Variants in ASIC2 observed in about 807,000 individuals in gnomAD.
ASIC2 encodes the protein acid sensing ion channel subunit 2, also known as acid-sensing ion channel 2.
In ASIC2, 25 loss-of-function variants were observed where a neutral mutation model predicts 57.3. The ratio of observed to expected loss-of-function variants is 0.44; its 90% CI spans 0.32 to 0.61. The LOEUF is 0.61. Ranked by LOEUF, ASIC2 falls within the 20% of genes least tolerant of loss-of-function variation. The pLI is 0.06. For missense variants in ASIC2, 641 were observed against 738.1 expected, an observed-to-expected ratio of 0.87 and a Z score of 1.52; for synonymous variants, 319 against 307.5, an observed-to-expected ratio of 1.04 and a Z score of -0.39.
intron 1 of ASIC2, among the ~76,000 whole-genome samples, chr17:33,234,386 G>T (rs1284186689): frequency 1.3e-5 from 2 of 152,164 alleles, no homozygotes; most frequent in Non-Finnish European, 2.9e-5. Flanking sequence ...CCGGCTTGGT[G>T]GTAGGCTGGC....
intron 1 of ASIC2, among the ~76,000 whole-genome samples, chr17:33,686,674 G>C (rs555060704): frequency 1.3e-5 from 2 of 152,326 alleles, no homozygotes; most frequent in East Asian, 3.9e-4. Flanking sequence ...TGACTGGCCT[G>C]ATGCTGGGAT....
In ASIC2 at chr17:33,322,770, G is replaced by A. The variant is rs201263485; in HGVS notation, c.556-210703C>T. The stretch of plus-strand genomic sequence containing the variant: ...AGAGCAGAGGGAGCAAAGAGAAGGA[G>A]CATCTCACCCAGGCTGGGCACGAGT... On this transcript the variant is annotated intron_variant, in intron 1 of 9. Transcript: ENST00000359872. Among the ~76,000 whole-genome samples the A allele has an allele frequency of 4.6e-5, 7 of 152,180 alleles. 1 individual carries two copies. The highest frequency in any genetic ancestry group is 6.8e-3 in the Middle Eastern group (2 of 294).
intron 1 of ASIC2, among the ~76,000 whole-genome samples, chr17:33,679,445 A>G (rs1409324864): frequency 1.3e-5 from 2 of 152,172 alleles, no homozygotes; most frequent in Non-Finnish European, 2.9e-5. Flanking sequence ...ATTAATCCAA[A>G]CACTCATTCA....
chr17:33,063,447 A>C (rs1046391729), intron 3 of ASIC2, among the ~76,000 whole-genome samples: 12 of 152,138 alleles, frequency 7.9e-5, no homozygotes, highest in East Asian at 1.9e-4. Flanking sequence ...ATATGAAATT[A>C]TGGGTTGAAA....
intron 1 of ASIC2, among the ~76,000 whole-genome samples, chr17:33,235,581 T>C (rs2142113138): frequency 6.6e-6 from 1 of 152,332 alleles, no homozygotes; most frequent in South Asian, 2.1e-4. Context: ...CTCAGCTCCC[T>C]CAGGTAACAG....
chr17:33,818,201 A>T (rs1237442309), intron 1 of ASIC2, among the ~76,000 whole-genome samples: 1 of 152,190 alleles, frequency 6.6e-6, no homozygotes, highest in Non-Finnish European at 1.5e-5. Flanking sequence ...AGGGAAAAAC[A>T]TTGTTGCAGC....
intron 1 of ASIC2, among the ~76,000 whole-genome samples, chr17:33,205,071 A>C (rs1473425104): frequency 2.0e-5 from 3 of 152,202 alleles, no homozygotes; most frequent in Non-Finnish European, 4.4e-5. Context: ...ACCGATACAG[A>C]GCCTTTTGTT....
intron 1 of ASIC2, among the ~76,000 whole-genome samples, chr17:33,886,690 T>C (rs1914836956): frequency 6.6e-6 from 1 of 152,080 alleles, no homozygotes; most frequent in Non-Finnish European, 1.5e-5. Context: ...AATTACACTG[T>C]CCTCTTAGGG....
intron 1 of ASIC2, among the ~76,000 whole-genome samples, chr17:33,663,996 A>G (rs539313111): frequency 4.6e-5 from 7 of 152,182 alleles, no homozygotes; most frequent in African/African-American, 1.7e-4. Context: ...CTGACCTTTC[A>G]GCCTGTCTTC....
intron 1 of ASIC2, among the ~76,000 whole-genome samples, chr17:33,747,010 C>T (rs1459893356): frequency 6.6e-6 from 1 of 152,118 alleles, no homozygotes; most frequent in East Asian, 1.9e-4. Context: ...AATAAAGACA[C>T]AAGATACAGA....
intron 1 of ASIC2, among the ~76,000 whole-genome samples, chr17:33,805,934 A>G (rs1912255270): frequency 6.6e-6 from 1 of 152,246 alleles, no homozygotes; most frequent in Non-Finnish European, 1.5e-5. Flanking sequence ...ACATCCATAT[A>G]CACACACTTG....
At chr17:33,181,050 C>G (rs1450595923) in intron 1 of ASIC2, among the ~76,000 whole-genome samples, 1 of 152,128 alleles carries the variant, frequency 6.6e-6, no homozygotes, top group Non-Finnish European at 1.5e-5. Context: ...AGCACTTGGC[C>G]AGTTCATAGG....
chr17:33,296,961 G>A (rs144087288), upstream of ASIC2, among the ~76,000 whole-genome samples: 27 of 152,278 alleles, frequency 1.8e-4, no homozygotes, highest in East Asian at 5.0e-3. Flanking sequence ...TTCTATTCTG[G>A]AACATCTTGC....
chr17:33,291,997 C>A lies in ASIC2; in HGVS notation c.119G>T (p.Gly40Val). The A allele has an allele frequency of 4.0e-6, 5 of 1,253,066 alleles. No individual in the cohort carries two copies. Among genetic ancestry groups the A allele is most frequent in the Non-Finnish European group, 5.0e-6 (5 of 1,006,426 alleles). The allele number at this position is 1,253,066 out of a possible 1,614,324, so 77.6% of individuals were successfully genotyped here. ...CAGCGCCCGCTCGCCGCCTCTGCCG[C>A]CCCCGGGCTGCCCGGCAGCCGCCAA... is the stretch of plus-strand genomic sequence containing the variant. ...AALAAAGQPG[G>V]GRGGERALQG... The change falls in exon 1 of 10, where the codon GGC becomes GTC. Residue 40 changes from glycine to valine, a missense_variant. Coordinates refer to ENST00000225823, the MANE Select transcript of ASIC2 (RefSeq NM_183377.2).
chr17:33,081,411 A>C (rs1318057761), intron 3 of ASIC2, among the ~76,000 whole-genome samples: 1 of 152,216 alleles, frequency 6.6e-6, no homozygotes, highest in Non-Finnish European at 1.5e-5. Flanking sequence ...TTGATGGTGA[A>C]GGCAATGTCT....
At chr17:34,074,782 CTTTTTTTTT>C (rs35010578) in intron 1 of ASIC2, among the ~76,000 whole-genome samples, 12 of 113,940 alleles carry the variant, frequency 1.1e-4, no homozygotes, top group African/African-American at 3.9e-4. Context: ...TTCTTTCTTT[CTTTTTTTTT>C]TTTTTTTTTT....
At position 34,100,467 on chromosome 17, in the gene ASIC2, T is replaced by C. The variant is rs1421323760; in HGVS notation, c.555+55511A>G. ...TCATTATTAAAACACATTGTATTCA[T>C]TCCGCTTGGCAACTGGAGCAGGGCA... is the stretch of plus-strand genomic sequence containing the variant. On this transcript the variant is annotated intron_variant, in intron 1 of 9. Transcript: ENST00000359872. 2.0e-5 allele frequency among the ~76,000 whole-genome samples: 3 copies of C among 152,304 alleles called. No individual in the cohort carries two copies. In the East Asian group the frequency reaches 5.8e-4, roughly 29 times the overall value.
chr17:34,057,268 G>A (rs1469169663), intron 1 of ASIC2, among the ~76,000 whole-genome samples: 1 of 152,164 alleles, frequency 6.6e-6, no homozygotes, highest in East Asian at 1.9e-4. Context: ...CTCTTCAGGA[G>A]GTAGAAAAGC....
chr17:33,151,528 C>T (rs1465276063), intron 1 of ASIC2, among the ~76,000 whole-genome samples: 2 of 152,144 alleles, frequency 1.3e-5, no homozygotes, highest in African/African-American at 4.8e-5. Flanking sequence ...GAAGTTCATT[C>T]GTTGGAAACT....
Sources: allele counts gnomAD v4.1 joint callset (sites outside exome capture counted in the v4.1 genomes callset), GRCh38; gene constraint gnomAD v4.1.1; transcripts MANE v1.5; gene names NCBI Gene and HGNC (gene_info 2026-07-23, HGNC 2026-07-21).